LRP1B: variants seen among roughly 807,000 people sequenced by gnomAD.
LRP1B encodes LDL receptor related protein 1B, also known as low-density lipoprotein receptor-related protein 1B.
Under a neutral mutation model 556.6 loss-of-function variants are expected in LRP1B, and 217 were observed. That is an observed-to-expected ratio of 0.39 (90% CI 0.35 to 0.44). LRP1B has a LOEUF of 0.44. LRP1B is among the 20% of genes least tolerant of loss of function. The pLI is 1.00. For synonymous variants in LRP1B, 2,047 were observed against 1,865.8 expected, an observed-to-expected ratio of 1.10 and a Z score of -2.50; for missense variants, 5,053 against 5,620.8, an observed-to-expected ratio of 0.90 and a Z score of 3.23.
chr2:140,280,221 T>G (rs1052095859), intron 84 of LRP1B, among the ~76,000 whole-genome samples: 1 of 151,824 alleles, frequency 6.6e-6, no homozygotes. Flanking sequence ...CAAATTTGTA[T>G]GTGAAATTTG....
intron 1 of LRP1B, among the ~76,000 whole-genome samples, chr2:142,045,765 T>C (rs931945251): frequency 3.3e-5 from 5 of 151,782 alleles, no homozygotes; most frequent in Non-Finnish European, 7.4e-5. Context: ...AGTTAACAGG[T>C]TTTCCGAGAA....
intron 1 of LRP1B, among the ~76,000 whole-genome samples, chr2:141,852,458 G>A (rs1358327082): frequency 6.6e-6 from 1 of 151,712 alleles, no homozygotes; most frequent in Non-Finnish European, 1.5e-5. Flanking sequence ...CAGGCAAACA[G>A]GTAAGAGTAG....
intron 3 of LRP1B, among the ~76,000 whole-genome samples, chr2:141,407,532 G>A (rs1296197881): frequency 1.3e-5 from 2 of 152,074 alleles, no homozygotes; most frequent in South Asian, 4.1e-4. Flanking sequence ...AATGGCTTGG[G>A]CAATTCCCTT....
At chr2:141,234,291 T>G (rs191723405) in intron 5 of LRP1B, among the ~76,000 whole-genome samples, 59 of 152,330 alleles carry the variant, frequency 3.9e-4, no homozygotes, top group African/African-American at 1.4e-3. Flanking sequence ...ATCAAAATTG[T>G]TAACACTTAT....
intron 56 of LRP1B, among the ~76,000 whole-genome samples, chr2:140,493,581 CTT>C (rs56341624): frequency 6.6e-6 from 1 of 151,266 alleles, no homozygotes; most frequent in Non-Finnish European, 1.5e-5. Flanking sequence ...ATTTTAACAT[CTT>C]TTTTTTAAGA....
chr2:141,234,826 A>G (rs1683593964), intron 5 of LRP1B, among the ~76,000 whole-genome samples: 2 of 152,188 alleles, frequency 1.3e-5, no homozygotes, highest in South Asian at 4.1e-4. Flanking sequence ...AGAAAGTATT[A>G]CAGTATTCAA....
chr2:141,957,416 A>C (rs1701286616), intron 1 of LRP1B, among the ~76,000 whole-genome samples: 3 of 148,022 alleles, frequency 2.0e-5, no homozygotes, highest in Non-Finnish European at 1.5e-5. Context: ...GTACACTCCC[A>C]GCTTTGTTTC....
chr2:141,976,716 C>T (rs1243153515), intron 1 of LRP1B, among the ~76,000 whole-genome samples: 1 of 152,060 alleles, frequency 6.6e-6, no homozygotes, highest in East Asian at 1.9e-4. Flanking sequence ...AGGCCTAATT[C>T]AGCAATGAAT....
At chr2:141,254,232 A>G (rs1684376160) in intron 4 of LRP1B, among the ~76,000 whole-genome samples, 1 of 152,124 alleles carries the variant, frequency 6.6e-6, no homozygotes, top group South Asian at 2.1e-4. Context: ...CAGCCATACA[A>G]CATATAGGAA....
chr2:140,708,823 T>G (rs901663906), intron 37 of LRP1B, among the ~76,000 whole-genome samples: 1 of 152,028 alleles, frequency 6.6e-6, no homozygotes, highest in Non-Finnish European at 1.5e-5. Flanking sequence ...ATGAGCTGAC[T>G]TAGAATTATC....
intron 41 of LRP1B, among the ~76,000 whole-genome samples, chr2:140,650,307 ATTTTTATTTATTTATT>A (rs1472257897): frequency 0.015 from 2,146 of 139,114 alleles, 45 homozygotes; most frequent in African/African-American, 0.048. Context: ...CTTTATTTTT[ATTTTTATTTATTTATT>A]TATTTATTTA....
intron 60 of LRP1B, among the ~76,000 whole-genome samples, chr2:140,472,488 G>C (rs76746373): frequency 6.6e-6 from 1 of 151,976 alleles, no homozygotes; most frequent in Non-Finnish European, 1.5e-5. Context: ...TAAATTGACC[G>C]ATGTATTTTG....
At position 140,288,806 on chromosome 2, in the gene LRP1B, C is replaced by A. The variant is rs376845585; in HGVS notation, c.12967+9002G>T. 3.0e-4 allele frequency among the ~76,000 whole-genome samples: 45 copies of A among 151,852 alleles called. No homozygotes were observed. The South Asian group carries it at 9.3e-3, about 32-fold the overall frequency. Reference sequence around the variant, plus strand: ...TAAAAGGTTACTGTTAGCTGTGAGACATATCATTTTTCAACCTACAACTAA... The same window carrying A: ...TAAAAGGTTACTGTTAGCTGTGAGAAATATCATTTTTCAACCTACAACTAA... On this transcript the variant is annotated intron_variant, in intron 84 of 90. Coordinates refer to ENST00000389484, the MANE Select transcript of LRP1B (RefSeq NM_018557.3).
chr2:141,238,319 T>A (rs1683735297), intron 5 of LRP1B, among the ~76,000 whole-genome samples: 1 of 152,172 alleles, frequency 6.6e-6, no homozygotes, highest in East Asian at 1.9e-4. Flanking sequence ...ATTAGTAATA[T>A]TTGAGTTTAA....
chr2:141,055,236 C>T lies in LRP1B; in HGVS notation c.1432G>A (p.Asp478Asn), dbSNP rs772923678. 19 of 1,610,050 alleles carry T rather than the reference C, an allele frequency of 1.2e-5. No individual in the cohort carries two copies. In the Admixed American group the frequency reaches 2.0e-4, roughly 17 times the overall value. ...CAGCCCCCTGGCATTCCATATGGATCGACTTCACATGCATGGCTTCTGACT... is the reference window on the plus strand; with the variant it reads ...CAGCCCCCTGGCATTCCATATGGATTGACTTCACATGCATGGCTTCTGACT... Reference protein sequence around the residue: ...PTVRSHACEVDPYGMPGGCSH... With the variant: ...PTVRSHACEVNPYGMPGGCSH... The change falls in exon 10 of 91, where the codon GAT (aspartate) becomes AAT (asparagine). Residue 478 changes from aspartate (D) to asparagine (N), a missense_variant. Transcript: ENST00000389484.
intron 37 of LRP1B, among the ~76,000 whole-genome samples, chr2:140,709,231 T>C (rs1192759667): frequency 3.3e-5 from 5 of 152,072 alleles, no homozygotes; most frequent in Non-Finnish European, 7.4e-5. Context: ...GAAATAAAAT[T>C]ACAGTATGTG....
At chr2:141,329,653 A>AAAAAACAAAACAAAC (rs1412095713) in intron 3 of LRP1B, among the ~76,000 whole-genome samples, 1 of 140,326 alleles carries the variant, frequency 7.1e-6, no homozygotes, top group African/African-American at 2.8e-5. Flanking sequence ...CAAAAAAAAA[A>AAAAAACAAAACAAAC]AAAAAAAAAA....
At chr2:140,274,331 AAAC>A in intron 85 of LRP1B, 90 bp downstream of exon 85, 1 of 1,168,968 alleles carries the variant, frequency 8.6e-7, no homozygotes, top group Non-Finnish European at 1.3e-6. Flanking sequence ...TTTAGAATAA[AAAC>A]AATCTACAAA....
chr2:140,898,255 T>C (rs1255993939), intron 23 of LRP1B, among the ~76,000 whole-genome samples: 1 of 152,138 alleles, frequency 6.6e-6, no homozygotes. Context: ...TTTTCCTGGG[T>C]CTTTGGGTCT....
Sources: allele counts gnomAD v4.1 joint callset (sites outside exome capture counted in the v4.1 genomes callset), GRCh38; gene constraint gnomAD v4.1.1; transcripts MANE v1.5; gene names NCBI Gene and HGNC (gene_info 2026-07-23, HGNC 2026-07-21).